Variants in BARX2 observed in about 807,000 individuals in gnomAD.
The protein encoded by BARX2 is homeobox protein BarH-like 2.
BARX2 carries 11 observed loss-of-function variants against 25.5 expected under a neutral mutation model. The ratio of observed to expected loss-of-function variants is 0.43; its 90% CI spans 0.27 to 0.71. BARX2 has a LOEUF of 0.71. Ranked by LOEUF, BARX2 falls within the 30% of genes least tolerant of loss-of-function variation. The pLI is 0.19. For missense variants in BARX2, 360 were observed against 359.9 expected (o/e 1.00, Z 0.00); for synonymous variants, 137 against 149.5 (o/e 0.92, Z 0.61).
chr11:129,409,354 GTTTT>G (rs1259661870), intron 1 of BARX2, among the ~76,000 whole-genome samples: 1 of 151,958 alleles, frequency 6.6e-6, no homozygotes, highest in South Asian at 2.1e-4. Context: ...TCTTCAGTGT[GTTTT>G]TTTTAAGGGC....
At position 129,400,988 on chromosome 11, in the gene BARX2, T is replaced by C. The variant is rs545961701; in HGVS notation, c.187+24766T>C. The stretch of plus-strand genomic sequence containing the variant: ...CAATGAGATAAAGACTGAAAAGTGG[T>C]CAGAGCCGTGCTCCTTAAAATGTGA... On this transcript the variant is annotated intron_variant, in intron 1 of 3. Coordinates refer to ENST00000281437, the MANE Select transcript of BARX2 (RefSeq NM_003658.5). 2.0e-5 allele frequency among the ~76,000 whole-genome samples: 3 copies of C among 152,298 alleles called. No individual in the cohort carries two copies. The South Asian group carries it at 6.2e-4, about 32-fold the overall frequency.
At chr11:129,426,733 C>T (rs1862067830) in intron 1 of BARX2, among the ~76,000 whole-genome samples, 1 of 152,276 alleles carries the variant, frequency 6.6e-6, no homozygotes, top group Admixed American at 6.5e-5. Context: ...CCCCCAACTC[C>T]ATCCTTCCTT....
chr11:129,376,889 C>T lies in BARX2; in HGVS notation c.187+667C>T, dbSNP rs1861510059. ...AAACATTACTCACACCTGGTTTTCT[C>T]TCTTCACGGGAGGTAAGAGCAATAG... On this transcript the variant is annotated intron_variant, in intron 1 of 3. Coordinates refer to ENST00000281437, the MANE Select transcript of BARX2 (RefSeq NM_003658.5). The surrounding 1 kb of genome is among the most constrained non-coding windows in gnomAD (Gnocchi z 4.2). Among the ~76,000 whole-genome samples the T allele has an allele frequency of 6.6e-6, 1 of 152,216 alleles. No homozygotes were observed. Among genetic ancestry groups the T allele is most frequent in the South Asian group, 2.1e-4 (1 of 4,832 alleles).
rs751055295 is a variant in BARX2, at chr11:129,436,974, C to T, written c.411C>T (p.Arg137=). Residue 137 remains arginine, a synonymous_variant, in exon 2 of 4, where the codon CGC becomes CGT. Coordinates refer to ENST00000281437, the MANE Select transcript of BARX2 (RefSeq NM_003658.5). This position sits in a 1 kb window ranked among gnomAD's most constrained non-coding sequence, Gnocchi z 4.5. ...TPRQKKPRRS[R]TIFTELQLMG... is the part of the protein sequence containing the mutation. Reference sequence around the variant, plus strand: ...GACAGAAGAAGCCCCGCCGGAGTCGCACCATCTTCACCGAGCTGCAGCTCA... The same window carrying T: ...GACAGAAGAAGCCCCGCCGGAGTCGTACCATCTTCACCGAGCTGCAGCTCA... 5 of 1,610,366 alleles carry T rather than the reference C, an allele frequency of 3.1e-6. No homozygotes were observed. The highest frequency in any genetic ancestry group is 1.3e-5 in the African/African-American group (1 of 74,878).
At chr11:129,422,082 G>T (rs965547561) in intron 1 of BARX2, among the ~76,000 whole-genome samples, 3 of 152,016 alleles carry the variant, frequency 2.0e-5, no homozygotes, top group Non-Finnish European at 4.4e-5. Context: ...GTCTTGCTCT[G>T]TTGTCCAGGC....
chr11:129,417,496 A>T (rs1475174031), intron 1 of BARX2, among the ~76,000 whole-genome samples: 4 of 152,240 alleles, frequency 2.6e-5, no homozygotes, highest in Admixed American at 2.6e-4. Flanking sequence ...CAACGAAAGG[A>T]ACGCGTGCCT....
chr11:129,407,731 C>A (rs1861845937), intron 1 of BARX2, among the ~76,000 whole-genome samples: 1 of 151,992 alleles, frequency 6.6e-6, no homozygotes, highest in Admixed American at 6.6e-5. Flanking sequence ...AAGTTCAGTC[C>A]AGTAGGAAAG....
intron 3 of BARX2, among the ~76,000 whole-genome samples, chr11:129,449,962 G>A (rs1349742077): frequency 6.6e-6 from 1 of 152,214 alleles, no homozygotes; most frequent in East Asian, 1.9e-4. Flanking sequence ...GAGGGCGGAT[G>A]GTATATATAT....
chr11:129,422,264 T>C (rs1312874829), intron 1 of BARX2, among the ~76,000 whole-genome samples: 1 of 152,166 alleles, frequency 6.6e-6, no homozygotes. Context: ...AAGGACCTGG[T>C]CTGTCTTTTA....
At chr11:129,375,658 C>T (rs1287254563), upstream of BARX2, among the ~76,000 whole-genome samples, 1 of 151,826 alleles carries the variant, frequency 6.6e-6, no homozygotes, top group Non-Finnish European at 1.5e-5. The surrounding 1 kb of genome is among the most constrained non-coding windows in gnomAD (Gnocchi z 4.0). Context: ...CGCGAGACAC[C>T]AGAGCGGGAG....
At chr11:129,434,421 T>TAAAAAAAA (rs56344103) in intron 1 of BARX2, among the ~76,000 whole-genome samples, 2 of 76,378 alleles carry the variant, frequency 2.6e-5, no homozygotes, top group African/African-American at 9.9e-5. Flanking sequence ...AAAAAGTAAG[T>TAAAAAAAA]AAAAAAAAAA....
intron 1 of BARX2, among the ~76,000 whole-genome samples, chr11:129,407,626 G>T (rs1219511697): frequency 6.6e-6 from 1 of 152,098 alleles, no homozygotes; most frequent in Non-Finnish European, 1.5e-5. Context: ...GGATAATACA[G>T]TTCAGTAAAC....
At chr11:129,408,589 G>A (rs1861855984) in intron 1 of BARX2, among the ~76,000 whole-genome samples, 1 of 152,058 alleles carries the variant, frequency 6.6e-6, no homozygotes, top group Non-Finnish European at 1.5e-5. Context: ...CTTAACCTAT[G>A]TTGTTCCACT....
intron 1 of BARX2, among the ~76,000 whole-genome samples, chr11:129,421,091 C>G (rs1861999369): frequency 6.6e-6 from 1 of 152,168 alleles, no homozygotes. Flanking sequence ...AAGAGAAAGG[C>G]CTTCTTGCTG....
intron 1 of BARX2, among the ~76,000 whole-genome samples, chr11:129,410,831 T>C (rs1212636137): frequency 6.6e-6 from 1 of 152,176 alleles, no homozygotes; most frequent in Non-Finnish European, 1.5e-5. Context: ...AGCCATCCAT[T>C]AAACTCTCTG....
chr11:129,445,199 C>T (rs530795075), intron 3 of BARX2, among the ~76,000 whole-genome samples: 61 of 152,288 alleles, frequency 4.0e-4, no homozygotes, highest in African/African-American at 1.3e-3. Context: ...CATGCTTGCC[C>T]TTCCCTGGCT....
intron 1 of BARX2, among the ~76,000 whole-genome samples, chr11:129,430,113 G>A (rs2135408276): frequency 6.6e-6 from 1 of 152,252 alleles, no homozygotes; most frequent in South Asian, 2.1e-4. Flanking sequence ...TTTCTGGAGA[G>A]CGGGATATTC....
intron 1 of BARX2, among the ~76,000 whole-genome samples, chr11:129,401,817 G>A (rs1292188682): frequency 1.3e-5 from 2 of 152,124 alleles, no homozygotes; most frequent in East Asian, 1.9e-4. Context: ...TTAGCCAGGT[G>A]TGGTGGCAGA....
rs187858698 is a variant in BARX2 at position 129,392,907 on chromosome 11, G to A, written c.187+16685G>A. ...ATTAGAGGTGTGAGCCACTGCGCCC[G>A]GCTAACTTGTTTAATTATACCACAG... is the stretch of plus-strand genomic sequence containing the variant. On this transcript the variant is annotated intron_variant, in intron 1 of 3. Transcript: ENST00000281437. 1.2e-3 allele frequency among the ~76,000 whole-genome samples: 179 copies of A among 152,104 alleles called. 1 individual carries two copies. The highest frequency in any genetic ancestry group is 1.7e-3 in the Admixed American group (26 of 15,270).
Sources: gnomAD v4.1 joint callset for allele counts (sites outside exome capture counted in the v4.1 genomes callset) on GRCh38, gnomAD v4.1.1 for gene constraint, Gnocchi (gnomAD v3.1) non-coding constraint, MANE v1.5 for transcripts, NCBI Gene and HGNC (gene_info 2026-07-23, HGNC 2026-07-21) for gene names.